The following PRKCQ variants were observed in gnomAD, a reference collection of about 807,000 sequenced individuals.
The protein encoded by PRKCQ is protein kinase C theta.
A neutral mutation model predicts 91.2 loss-of-function variants in PRKCQ; 41 were observed. The observed-to-expected ratio is 0.45, with a 90% CI of 0.35 to 0.58. PRKCQ has a LOEUF of 0.58. Among genes scored for constraint, PRKCQ ranks in the 20% least tolerant of loss-of-function variants. The pLI is 0.00. For missense variants in PRKCQ, 673 were observed against 896.5 expected, an observed-to-expected ratio of 0.75 and a Z score of 3.18; for synonymous variants, 307 against 316.9, an observed-to-expected ratio of 0.97 and a Z score of 0.33.
At chr10:6,485,360 A>AC in intron 9 of PRKCQ, 91 bp from the exon 10 acceptor site, 3 of 938,880 alleles carry the variant, frequency 3.2e-6, no homozygotes, top group Non-Finnish European at 5.2e-6. Context: ...GGCCATTTAA[A>AC]ATGTTTAAAT....
At position 6,540,818 on chromosome 10, in the gene PRKCQ, A is replaced by G. The variant is rs563033800; in HGVS notation, c.-9-25674T>C. On this transcript the variant is annotated intron_variant, in intron 1 of 17. Coordinates refer to ENST00000263125, the MANE Select transcript of PRKCQ (RefSeq NM_006257.5). ...GAGGAATCACTGCACTGTTTTCCTC[A>G]GAGTCTGTACCACTTCACATGTCCA... is the stretch of plus-strand genomic sequence containing the variant. Among the ~76,000 whole-genome samples the G allele has an allele frequency of 2.0e-5, 3 of 152,354 alleles. No homozygotes were observed. In the South Asian group the frequency reaches 6.2e-4, roughly 32 times the overall value.
At chr10:6,560,843 T>A (rs1391192427) in intron 1 of PRKCQ, among the ~76,000 whole-genome samples, 1 of 151,908 alleles carries the variant, frequency 6.6e-6, no homozygotes. Context: ...ATCAAGACCA[T>A]CCTGGCTAAC....
chr10:6,430,838 T>G lies in PRKCQ; in HGVS notation c.1937A>C (p.Glu646Ala), dbSNP rs1376433443. The change falls in exon 17 of 18, where the codon GAG (glutamate) becomes GCG (alanine). Residue 646 changes from glutamate to alanine, a missense_variant. Physicochemically the swap from Glu to Ala is moderately radical, Grantham distance 107. Transcript: ENST00000263125. The surrounding 1 kb of genome is among the most constrained non-coding windows in gnomAD (Gnocchi z 4.7). ...EINWEELERKEIDPPFRPKVK... is the reference protein window; with the variant it reads ...EINWEELERKAIDPPFRPKVK... ...TTTCGGCCGGAACGGTGGGTCAATC[T>G]CCTTCCGTTCAAGTTCCTCCCAGTT... is the stretch of plus-strand genomic sequence containing the variant. 1 of 1,614,064 alleles carries G rather than the reference T, an allele frequency of 6.2e-7. No individual in the cohort carries two copies. The highest frequency in any genetic ancestry group is 1.1e-5 in the South Asian group (1 of 91,080).
At chr10:6,454,974 A>T (rs940633464) in intron 15 of PRKCQ, among the ~76,000 whole-genome samples, 3 of 152,156 alleles carry the variant, frequency 2.0e-5, no homozygotes, top group African/African-American at 7.2e-5. Context: ...CGTGGAAAAG[A>T]CCCGGCACCC....
chr10:6,449,139 T>C (rs974761369), intron 15 of PRKCQ, among the ~76,000 whole-genome samples: 9 of 151,920 alleles, frequency 5.9e-5, no homozygotes, highest in Non-Finnish European at 8.8e-5. Context: ...TACTCCGAGC[T>C]ACAGGAGGAA....
At chr10:6,567,684 C>A (rs553563689) in intron 1 of PRKCQ, among the ~76,000 whole-genome samples, 2 of 152,234 alleles carry the variant, frequency 1.3e-5, no homozygotes, top group East Asian at 3.9e-4. Context: ...CATGTGAGTG[C>A]CCATTTTATT....
At chr10:6,443,434 GA>G (rs1834077608) in intron 15 of PRKCQ, among the ~76,000 whole-genome samples, 3 of 152,194 alleles carry the variant, frequency 2.0e-5, no homozygotes, top group Non-Finnish European at 4.4e-5. Flanking sequence ...TGGATAAATG[GA>G]TACAGAAACT....
the PRKCQ span, among the ~76,000 whole-genome samples, chr10:6,394,929 C>T: frequency 6.6e-6 from 1 of 152,170 alleles, no homozygotes; most frequent in South Asian, 2.1e-4. Flanking sequence ...GCGACCTTTG[C>T]TGTTACTGTA....
intron 13 of PRKCQ, among the ~76,000 whole-genome samples, chr10:6,463,774 T>C (rs1446452849): frequency 6.6e-6 from 1 of 152,186 alleles, no homozygotes; most frequent in African/African-American, 2.4e-5. Context: ...GGGAACAGCA[T>C]GGGCAGGAGT....
chr10:6,528,759 T>C (rs946286842), intron 1 of PRKCQ, among the ~76,000 whole-genome samples: 5 of 152,216 alleles, frequency 3.3e-5, no homozygotes, highest in Admixed American at 1.3e-4. Flanking sequence ...CAAATGTCTT[T>C]GAAGGTTAGG....
chr10:6,553,464 T>G (rs1840267826), intron 1 of PRKCQ, among the ~76,000 whole-genome samples: 1 of 137,020 alleles, frequency 7.3e-6, no homozygotes. Flanking sequence ...CACTCCAGCC[T>G]GGGTGACAGA....
At chr10:6,570,794 A>T (rs143804120) in intron 1 of PRKCQ, among the ~76,000 whole-genome samples, 127 of 152,022 alleles carry the variant, frequency 8.4e-4, no homozygotes, top group Middle Eastern at 3.4e-3. Context: ...GCCTCAAGTG[A>T]TTCACCCACC....
At chr10:6,470,432 G>C (rs751418007) in intron 12 of PRKCQ, among the ~76,000 whole-genome samples, 4 of 152,150 alleles carry the variant, frequency 2.6e-5, no homozygotes, top group Non-Finnish European at 5.9e-5. Context: ...CTCAGGATGG[G>C]AACTGTAATC....
chr10:6,474,587 A>G lies in PRKCQ; in HGVS notation c.1353+4405T>C, dbSNP rs985113111. On this transcript the variant is annotated intron_variant, in intron 12 of 17. Coordinates refer to ENST00000263125, the MANE Select transcript of PRKCQ (RefSeq NM_006257.5). ...TTATTTTTCCACAGTTTTATCAGAG[A>G]TAGAACACAGAAACTTTGGATACTT... 4.6e-5 allele frequency among the ~76,000 whole-genome samples: 7 copies of G among 152,204 alleles called. No homozygotes were observed. The East Asian group carries it at 1.3e-3, about 29-fold the overall frequency.
At chr10:6,455,551 T>C (rs1435081916) in intron 15 of PRKCQ, among the ~76,000 whole-genome samples, 1 of 152,244 alleles carries the variant, frequency 6.6e-6, no homozygotes, top group Non-Finnish European at 1.5e-5. Context: ...CCAGAGTCTT[T>C]ATCAAACAAC....
At position 6,442,859 on chromosome 10, in the gene PRKCQ, A is replaced by G. The variant is rs138230893; in HGVS notation, c.1648-778T>C. On this transcript the variant is annotated intron_variant, in intron 15 of 17. Coordinates refer to ENST00000263125, the MANE Select transcript of PRKCQ (RefSeq NM_006257.5). ...TGCTTGTAATCCTAGCTACTCCGGA[A>G]GCTGAGGCAGGAGAATCGCTTGAAC... Among the ~76,000 whole-genome samples, 703 of 152,144 alleles carry G rather than the reference A, an allele frequency of 4.6e-3. 4 individuals carry two copies. Among genetic ancestry groups the G allele is most frequent in the African/African-American group, 0.016 (675 of 41,494 alleles).
intron 11 of PRKCQ, among the ~76,000 whole-genome samples, chr10:6,482,420 A>C (rs1396213337): frequency 6.6e-6 from 1 of 152,196 alleles, no homozygotes; most frequent in Non-Finnish European, 1.5e-5. Flanking sequence ...ACACAGTGAG[A>C]CGTCATCTCA....
chr10:6,521,933 A>AT (rs1178387076), intron 1 of PRKCQ, among the ~76,000 whole-genome samples: 1 of 150,256 alleles, frequency 6.7e-6, no homozygotes, highest in Admixed American at 6.6e-5. Context: ...TTATTTATTT[A>AT]TTTATTTATT....
chr10:6,453,302 A>G (rs1251778454), intron 15 of PRKCQ, among the ~76,000 whole-genome samples: 14 of 152,366 alleles, frequency 9.2e-5, no homozygotes, highest in African/African-American at 3.4e-4. Flanking sequence ...TTATGCAGCC[A>G]AAAGACACAT....
Sources: allele counts gnomAD v4.1 joint callset (sites outside exome capture counted in the v4.1 genomes callset), GRCh38; gene constraint gnomAD v4.1.1; non-coding constraint Gnocchi (gnomAD v3.1); transcripts MANE v1.5; gene names NCBI Gene and HGNC (gene_info 2026-07-23, HGNC 2026-07-21).